Variants in CDKL3 observed in about 807,000 individuals in gnomAD.
CDKL3 encodes cyclin dependent kinase like 3.
A neutral mutation model predicts 69.3 loss-of-function variants in CDKL3; 65 were observed. The observed-to-expected ratio is 0.94, with a 90% confidence interval of 0.77 to 1.15. The LOEUF is 1.15. Among genes scored for constraint, CDKL3 ranks in the 50% most tolerant of loss-of-function variants. The pLI is 0.00. For missense variants in CDKL3, 652 were observed against 689.2 expected, an observed-to-expected ratio of 0.95 and a Z score of 0.61; for synonymous variants, 202 against 221.6, an observed-to-expected ratio of 0.91 and a Z score of 0.79.
chr5:134,323,184 C>A (rs562369617), intron 4 of CDKL3, among the ~76,000 whole-genome samples: 1 of 152,112 alleles, frequency 6.6e-6, no homozygotes, highest in Non-Finnish European at 1.5e-5. Context: ...AGAGTCAATA[C>A]AATCCCAGAC....
At chr5:134,287,264 G>A (rs1431633461) in intron 8 of CDKL3, among the ~76,000 whole-genome samples, 1 of 152,130 alleles carries the variant, frequency 6.6e-6, no homozygotes, top group South Asian at 2.1e-4. Context: ...GTGATAACTG[G>A]TGCCCATCAA....
chr5:134,361,186 A>C (rs1324454471), intron 2 of CDKL3, among the ~76,000 whole-genome samples: 1 of 152,164 alleles, frequency 6.6e-6, no homozygotes, highest in Non-Finnish European at 1.5e-5. Context: ...TCAATTCTGA[A>C]ATATTTAACC....
At chr5:134,300,674 T>C (rs959022869) in intron 12 of CDKL3, among the ~76,000 whole-genome samples, 1 of 152,194 alleles carries the variant, frequency 6.6e-6, no homozygotes, top group African/African-American at 2.4e-5. Flanking sequence ...TGGAGTTCTA[T>C]ATCATATGAA....
In CDKL3 at chr5:134,311,555, A is replaced by T. The variant is rs534661218; in HGVS notation, c.881+737T>A. Among the ~76,000 whole-genome samples the T allele has an allele frequency of 3.3e-5, 5 of 152,278 alleles. No homozygotes were observed. The East Asian group carries it at 9.6e-4, about 29-fold the overall frequency. ...GCAACAGAGAATAAGTAGAAAAAAA[A>T]TCATTTGGGAAGTGCATGCTAATTA... On this transcript the variant is annotated intron_variant, in intron 7 of 12. Coordinates refer to ENST00000265334, the MANE Select transcript of CDKL3 (RefSeq NM_001113575.2).
At chr5:134,297,859 G>GCT, downstream of CDKL3, among the ~76,000 whole-genome samples, 2 of 148,174 alleles carry the variant, frequency 1.3e-5, no homozygotes, top group African/African-American at 5.0e-5. Flanking sequence ...TGGATTACAG[G>GCT]CATGAGCCAC....
At chr5:134,371,546 C>T (rs1758413802), upstream of CDKL3, 1 of 1,595,442 alleles carries the variant, frequency 6.3e-7, no homozygotes, top group Non-Finnish European at 8.5e-7. Context: ...GGTGGGGGGG[C>T]TGCGCGGGAC....
intron 4 of CDKL3, among the ~76,000 whole-genome samples, chr5:134,326,074 A>G (rs1774126092): frequency 6.6e-6 from 1 of 151,944 alleles, no homozygotes; most frequent in South Asian, 2.1e-4. Flanking sequence ...CACCATGCCA[A>G]AGGTAATTAT....
At chr5:134,309,476 G>A (rs1461403402) in intron 7 of CDKL3, among the ~76,000 whole-genome samples, 1 of 152,190 alleles carries the variant, frequency 6.6e-6, no homozygotes, top group Non-Finnish European at 1.5e-5. Flanking sequence ...TCATATTGGA[G>A]AGAGATTATT....
intron 4 of CDKL3, among the ~76,000 whole-genome samples, chr5:134,334,394 A>G (rs1485518050): frequency 6.6e-6 from 1 of 151,908 alleles, no homozygotes; most frequent in Non-Finnish European, 1.5e-5. Flanking sequence ...AGTTCTTTTA[A>G]TTGTGATGTT....
chr5:134,303,676 C>CCA (rs1554077954), intron 11 of CDKL3, among the ~76,000 whole-genome samples: 2 of 151,284 alleles, frequency 1.3e-5, no homozygotes, highest in Non-Finnish European at 3.0e-5. Flanking sequence ...GAACCCCCCC[C>CCA]CCGTCTCTAC....
intron 2 of CDKL3, among the ~76,000 whole-genome samples, chr5:134,364,318 C>T (rs184017157): frequency 4.5e-4 from 69 of 152,268 alleles, no homozygotes; most frequent in African/African-American, 1.4e-3. Context: ...GATATTGTTC[C>T]TCATTTCTAA....
intron 4 of CDKL3, among the ~76,000 whole-genome samples, chr5:134,326,801 A>ATATATATATGTGTGTGTATC (rs1297178740): frequency 1.5e-5 from 2 of 131,790 alleles, no homozygotes; most frequent in Non-Finnish European, 3.1e-5. Flanking sequence ...GTGTGTGTAT[A>ATATATATATGTGTGTGTATC]TATATATATG....
chr5:134,333,807 T>C (rs530247197), intron 4 of CDKL3, among the ~76,000 whole-genome samples: 10 of 152,312 alleles, frequency 6.6e-5, no homozygotes, highest in Admixed American at 3.9e-4. Flanking sequence ...TTTTGTATCA[T>C]GATGATGCTG....
chr5:134,367,322 C>A (rs949407136), upstream of CDKL3: 1 of 982,992 alleles, frequency 1.0e-6, no homozygotes, highest in Admixed American at 6.2e-5. Context: ...CGCAGCTGAG[C>A]CTCCTCACAA....
intron 6 of CDKL3, among the ~76,000 whole-genome samples, chr5:134,315,156 T>G (rs555262871): frequency 6.6e-6 from 1 of 152,140 alleles, no homozygotes; most frequent in East Asian, 1.9e-4. Context: ...CACACATGTA[T>G]AAGCATTTTG....
At chr5:134,345,126 T>A (rs1581140272) in intron 4 of CDKL3, among the ~76,000 whole-genome samples, 1 of 151,482 alleles carries the variant, frequency 6.6e-6, no homozygotes, top group East Asian at 1.9e-4. Context: ...TTGCTTAGGG[T>A]TAGGGAGGGA....
intron 8 of CDKL3, among the ~76,000 whole-genome samples, chr5:134,292,634 AAAT>A (rs780032967): frequency 3.9e-5 from 6 of 152,156 alleles, no homozygotes; most frequent in African/African-American, 1.4e-4. Context: ...CAAACAATAG[AAAT>A]AATAAAACAA....
chr5:134,334,393 A>C (rs1035218828), intron 4 of CDKL3, among the ~76,000 whole-genome samples: 1 of 151,910 alleles, frequency 6.6e-6, no homozygotes, highest in Non-Finnish European at 1.5e-5. Flanking sequence ...TAGTTCTTTT[A>C]ATTGTGATGT....
intron 6 of CDKL3, among the ~76,000 whole-genome samples, chr5:134,315,105 T>C (rs1423629326): frequency 6.6e-6 from 1 of 152,136 alleles, no homozygotes; most frequent in Non-Finnish European, 1.5e-5. Context: ...GTTGTACTAC[T>C]TCTAGAATAA....
Sources: allele counts gnomAD v4.1 joint callset (sites outside exome capture counted in the v4.1 genomes callset), GRCh38; gene constraint gnomAD v4.1.1; transcripts MANE v1.5; gene names NCBI Gene and HGNC (gene_info 2026-07-23, HGNC 2026-07-21).